Variants in KCNC3 observed in about 807,000 individuals in gnomAD.
KCNC3 encodes potassium voltage-gated channel subfamily C member 3.
Under a neutral mutation model 43.9 loss-of-function variants are expected in KCNC3, and 22 were observed. That is an observed-to-expected ratio of 0.50 (90% CI 0.36 to 0.72). The LOEUF (loss-of-function observed/expected upper bound fraction) is 0.72, where lower values mean the gene tolerates loss of function less well. Ranked by LOEUF, KCNC3 falls within the 30% of genes least tolerant of loss-of-function variation. KCNC3 has a pLI of 0.00. For synonymous variants in KCNC3, 492 were observed against 488.0 expected (o/e 1.01, Z -0.11); for missense variants, 829 against 1,073.8 (o/e 0.77, Z 3.19).
chr19:50,327,196 G>A (rs1395696751), intron 1 of KCNC3, among the ~76,000 whole-genome samples: 1 of 152,092 alleles, frequency 6.6e-6, no homozygotes, highest in Non-Finnish European at 1.5e-5. Context: ...ATCTATGGAG[G>A]AGGAAGAACA....
intron 2 of KCNC3, among the ~76,000 whole-genome samples, chr19:50,321,338 C>T (rs1241636193): frequency 1.3e-5 from 2 of 152,022 alleles, no homozygotes; most frequent in East Asian, 3.9e-4. Flanking sequence ...TATAGTAGTA[C>T]ACGCCTATAG....
chr19:50,321,847 G>C (rs565306248), intron 2 of KCNC3, among the ~76,000 whole-genome samples: 31 of 152,010 alleles, frequency 2.0e-4, no homozygotes, highest in Admixed American at 5.9e-4. Context: ...GGCAGTGTTG[G>C]GGGGTGGTTG....
chr19:50,322,877 G>A (rs1431012572), intron 2 of KCNC3, 98 bp downstream of exon 2: 6 of 1,323,718 alleles, frequency 4.5e-6, no homozygotes, highest in East Asian at 2.5e-5. Context: ...TCACCTCTTC[G>A]ACGCCAACCA....
At chr19:50,320,567 G>T in intron 3 of KCNC3, 26 bp downstream of exon 3, 1 of 1,601,868 alleles carries the variant, frequency 6.2e-7, no homozygotes. Context: ...GAGGGTCCCA[G>T]GGGATCAGTA....
intron 1 of KCNC3, among the ~76,000 whole-genome samples, chr19:50,325,434 T>C (rs374483062): frequency 6.6e-6 from 1 of 151,964 alleles, no homozygotes; most frequent in East Asian, 1.9e-4. Context: ...ACTGTCCCTC[T>C]GTGCACCCCC....
At chr19:50,317,133 G>C (rs1359248528) in intron 4 of KCNC3, among the ~76,000 whole-genome samples, 1 of 151,414 alleles carries the variant, frequency 6.6e-6, no homozygotes. Context: ...GGGAGTGGGT[G>C]CAAGCAGGGG....
chr19:50,320,540 G>A (rs897615679), intron 3 of KCNC3, 53 bp downstream of exon 3: 19 of 1,520,182 alleles, frequency 1.2e-5, no homozygotes, highest in African/African-American at 2.7e-5. Flanking sequence ...CCCTCCCCTG[G>A]GCAGGGGAGA....
At chr19:50,322,157 G>C (rs902112448) in intron 2 of KCNC3, among the ~76,000 whole-genome samples, 1 of 152,000 alleles carries the variant, frequency 6.6e-6, no homozygotes, top group Non-Finnish European at 1.5e-5. Context: ...AGTGCAGGGG[G>C]GGGCCACCAG....
intron 4 of KCNC3, among the ~76,000 whole-genome samples, chr19:50,319,983 A>C (rs1296943717): frequency 6.7e-6 from 1 of 148,784 alleles, no homozygotes; most frequent in East Asian, 2.0e-4. Flanking sequence ...GTCGGTCGTG[A>C]GGGCAGGTGC....
chr19:50,314,259 G>C lies in KCNC3; in HGVS notation c.*1856C>G, dbSNP rs893971869. On this transcript the variant is annotated 3_prime_UTR_variant, in exon 5 of 5. Transcript: ENST00000477616. Reference sequence around the variant, plus strand: ...CCACCTGAGCTCAACTCCGATCTGGGGCTTGGGTAACTGTTCCTCCTTCCC... The same window carrying C: ...CCACCTGAGCTCAACTCCGATCTGGCGCTTGGGTAACTGTTCCTCCTTCCC... The C allele has an allele frequency of 6.6e-6, 1 of 151,332 alleles. No individual in the cohort carries two copies. The highest frequency in any genetic ancestry group is 1.5e-5 in the Non-Finnish European group (1 of 67,756). The allele number at this position is 151,332 out of a possible 1,614,324, so 9.4% of individuals were successfully genotyped here.
chr19:50,327,118 A>T (rs1186161428), intron 1 of KCNC3, among the ~76,000 whole-genome samples: 1 of 150,462 alleles, frequency 6.6e-6, no homozygotes, highest in Non-Finnish European at 1.5e-5. Context: ...GGGGCTTTGG[A>T]TGGGGGGAGT....
intron 1 of KCNC3, among the ~76,000 whole-genome samples, chr19:50,327,165 T>C (rs550980643): frequency 1.3e-5 from 2 of 151,382 alleles, no homozygotes; most frequent in South Asian, 2.1e-4. Context: ...GTTAAAATGA[T>C]GGAGAGGAGA....
chr19:50,327,704 G>C (rs535924168), intron 1 of KCNC3, among the ~76,000 whole-genome samples: 1 of 152,042 alleles, frequency 6.6e-6, no homozygotes. Context: ...AGGGAAAGTG[G>C]GGGTCAGGGC....
chr19:50,327,516 G>C (rs1330953827), intron 1 of KCNC3, among the ~76,000 whole-genome samples: 2 of 152,110 alleles, frequency 1.3e-5, no homozygotes, highest in African/African-American at 2.4e-5. Flanking sequence ...GGTTGGGGTG[G>C]GGGAGTTTTC....
At chr19:50,316,118 G>A in intron 4 of KCNC3, 27 bp from the exon 5 acceptor site, 1 of 400,674 alleles carries the variant, frequency 2.5e-6, no homozygotes, top group Non-Finnish European at 4.6e-6. Flanking sequence ...ACAGAGTCAC[G>A]GGGGTGGGGA....
At chr19:50,318,991 C>CAAAAAAAAAAAA (rs11326559) in intron 4 of KCNC3, among the ~76,000 whole-genome samples, 5 of 71,422 alleles carry the variant, frequency 7.0e-5, no homozygotes, top group Non-Finnish European at 9.5e-5. Context: ...AAGACAGTCT[C>CAAAAAAAAAAAA]AAAAAAAAAA....
At chr19:50,329,653 G>A (rs1308741883), upstream of KCNC3, 1 of 152,346 alleles carries the variant, frequency 6.6e-6, no homozygotes, top group Admixed American at 6.5e-5. Flanking sequence ...GAGGAGCATT[G>A]CTTGGAAGAG....
chr19:50,323,160 G>A lies in KCNC3; in HGVS notation c.1793C>T (p.Pro598Leu), dbSNP rs1208169383. The change falls in exon 2 of 5, where the codon CCA (proline) becomes CTA (leucine). Residue 598 changes from proline (P) to leucine (L), a missense_variant. By Grantham distance (98) the Pro-to-Leu change is moderately conservative. Around this residue, in one of 7 missense-constraint regions of KCNC3, gnomAD observed 308 missense variants for 276.2 expected, o/e 1.11. Coordinates refer to ENST00000477616, the MANE Select transcript of KCNC3 (RefSeq NM_004977.3). Reference protein sequence around the residue: ...HHGSGGISPPPPITPPSMGVT... With the variant: ...HHGSGGISPPLPITPPSMGVT... ...CCCCATGGAGGGTGGGGTGATGGGT[G>A]GCGGCGGGCTGATGCCCCCGCTGCC... The A allele has an allele frequency of 6.5e-7, 1 of 1,532,976 alleles. No homozygotes were observed. Among genetic ancestry groups the A allele is most frequent in the Non-Finnish European group, 8.7e-7 (1 of 1,143,948 alleles). The allele number at this position is 1,532,976 out of a possible 1,614,324, so 95.0% of individuals were successfully genotyped here.
In KCNC3 at chr19:50,324,573, G is replaced by A. The variant is rs1297679495; in HGVS notation, c.871-491C>T. Among the ~76,000 whole-genome samples, 2 of 152,228 alleles carry A rather than the reference G, an allele frequency of 1.3e-5. No homozygotes were observed. Among genetic ancestry groups the A allele is most frequent in the Non-Finnish European group, 2.9e-5 (2 of 68,046 alleles). On this transcript the variant is annotated intron_variant, in intron 1 of 4. Transcript: ENST00000477616. This position sits in a 1 kb window ranked among gnomAD's most constrained non-coding sequence, Gnocchi z 4.1. ...GCGGGCAGGGAGGCAGAATCGTGAG[G>A]TGGTTAAGAGTCGGCGAGCCTGGGC...
Sources: gnomAD v4.1 joint callset for allele counts (sites outside exome capture counted in the v4.1 genomes callset) on GRCh38, gnomAD v4.1.1 for gene constraint, gnomAD v4.1.1 regional missense constraint, Gnocchi (gnomAD v3.1) non-coding constraint, MANE v1.5 for transcripts, NCBI Gene and HGNC (gene_info 2026-07-23, HGNC 2026-07-21) for gene names.